The following RNLS variants were observed in gnomAD, a reference collection of about 807,000 sequenced individuals.
RNLS encodes renalase, FAD dependent amine oxidase.
Under a neutral mutation model 39.8 loss-of-function variants are expected in RNLS, and 39 were observed. The observed-to-expected ratio is 0.98, with a 90% CI of 0.76 to 1.28. The LOEUF is 1.28. RNLS is among the 50% of genes most tolerant of loss of function. RNLS has a pLI of 0.00. For missense variants in RNLS, 410 were observed against 413.3 expected, an observed-to-expected ratio of 0.99 and a Z score of 0.07; for synonymous variants, 147 against 150.7, an observed-to-expected ratio of 0.98 and a Z score of 0.18.
chr10:88,514,386 G>A (rs866829837), intron 4 of RNLS, among the ~76,000 whole-genome samples: 54 of 152,118 alleles, frequency 3.5e-4, no homozygotes, highest in African/African-American at 1.2e-3. Context: ...GGGGATTATG[G>A]GGATTACAAT....
the RNLS span, among the ~76,000 whole-genome samples, chr10:88,189,788 CATGCA>C: frequency 4.6e-5 from 7 of 152,218 alleles, no homozygotes; most frequent in Non-Finnish European, 8.8e-5. Context: ...TTTGACCAGG[CATGCA>C]ATGCAGCGAA....
the RNLS span, among the ~76,000 whole-genome samples, chr10:88,233,155 C>T: frequency 2.6e-5 from 4 of 152,198 alleles, no homozygotes; most frequent in Admixed American, 6.5e-5. Flanking sequence ...GTTGGCAGGC[C>T]GGACTGGACT....
chr10:88,207,427 A>C, the RNLS span, among the ~76,000 whole-genome samples: 12 of 152,060 alleles, frequency 7.9e-5, no homozygotes, highest in African/African-American at 2.4e-4. Context: ...ATAAAAAGAC[A>C]CTCAGCTGAA....
At chr10:88,486,068 T>C (rs1361565486) in intron 4 of RNLS, among the ~76,000 whole-genome samples, 4 of 151,974 alleles carry the variant, frequency 2.6e-5, no homozygotes, top group Admixed American at 1.3e-4. Context: ...TTGCAAAGCA[T>C]ACATCTAATG....
the RNLS span, among the ~76,000 whole-genome samples, chr10:88,214,217 T>C: frequency 6.6e-6 from 1 of 151,536 alleles, no homozygotes; most frequent in Non-Finnish European, 1.5e-5. Context: ...TGAATCTGCC[T>C]ATCATTGGCT....
chr10:88,524,075 T>TG (rs1256055684), intron 4 of RNLS, among the ~76,000 whole-genome samples: 1 of 152,066 alleles, frequency 6.6e-6, no homozygotes, highest in African/African-American at 2.4e-5. Flanking sequence ...TTGAACTCTA[T>TG]CTTCTCGTAA....
At chr10:88,420,487 G>A (rs191156047) in intron 4 of RNLS, among the ~76,000 whole-genome samples, 113 of 152,286 alleles carry the variant, frequency 7.4e-4, no homozygotes, top group African/African-American at 2.6e-3. Flanking sequence ...AGGCTCTAGT[G>A]GCAAATCTGT....
the RNLS span, among the ~76,000 whole-genome samples, chr10:88,176,390 G>A: frequency 6.6e-6 from 1 of 152,062 alleles, no homozygotes; most frequent in Non-Finnish European, 1.5e-5. Context: ...TGGCCAGCAT[G>A]GTCTTGATCT....
intron 4 of RNLS, among the ~76,000 whole-genome samples, chr10:88,560,757 A>G (rs1428346088): frequency 1.3e-5 from 2 of 152,012 alleles, no homozygotes; most frequent in East Asian, 3.9e-4. Context: ...ACAGCAACAG[A>G]AAGGTTCATA....
chr10:88,357,481 T>C (rs2133339195), intron 5 of RNLS, among the ~76,000 whole-genome samples: 2 of 152,326 alleles, frequency 1.3e-5, no homozygotes, highest in East Asian at 3.9e-4. Flanking sequence ...TGGGAATCAT[T>C]CTTAGTTGTT....
chr10:88,533,289 T>C (rs781338689), intron 4 of RNLS, among the ~76,000 whole-genome samples: 1 of 152,086 alleles, frequency 6.6e-6, no homozygotes, highest in Non-Finnish European at 1.5e-5. Context: ...CCACCAAGTA[T>C]TACTTTTGGC....
chr10:88,226,854 G>A, the RNLS span, among the ~76,000 whole-genome samples: 4 of 147,526 alleles, frequency 2.7e-5, no homozygotes, highest in African/African-American at 1.0e-4. Flanking sequence ...GGTAAAAAGA[G>A]TCCAGCAAAA....
intron 5 of RNLS, among the ~76,000 whole-genome samples, chr10:88,362,309 C>T (rs1212880834): frequency 2.0e-5 from 3 of 152,070 alleles, no homozygotes; most frequent in Non-Finnish European, 4.4e-5. Flanking sequence ...AAATCTTAAA[C>T]CTTCTGACAC....
At chr10:88,223,879 A>G in the RNLS span, among the ~76,000 whole-genome samples, 227 of 152,290 alleles carry the variant, frequency 1.5e-3, 1 homozygote, top group African/African-American at 5.1e-3. Context: ...TCTGGCCCCA[A>G]GGAGAGCCAC....
intron 4 of RNLS, among the ~76,000 whole-genome samples, chr10:88,416,382 T>A (rs1470656215): frequency 6.6e-6 from 1 of 151,960 alleles, no homozygotes; most frequent in African/African-American, 2.4e-5. Flanking sequence ...GCCTCCTGAG[T>A]AGCTGGGATT....
At chr10:88,288,544 T>G (rs1321115886) in intron 6 of RNLS, among the ~76,000 whole-genome samples, 1 of 152,182 alleles carries the variant, frequency 6.6e-6, no homozygotes, top group Non-Finnish European at 1.5e-5. Flanking sequence ...CCATTTGTGG[T>G]AAAATTTTGA....
At chr10:88,379,625 CT>C (rs1851295350) in intron 4 of RNLS, among the ~76,000 whole-genome samples, 1 of 152,194 alleles carries the variant, frequency 6.6e-6, no homozygotes, top group African/African-American at 2.4e-5. Context: ...CCCTGATTCT[CT>C]TCTTAAATAT....
chr10:88,243,202 A>G, the RNLS span, among the ~76,000 whole-genome samples: 3 of 152,258 alleles, frequency 2.0e-5, no homozygotes, highest in Admixed American at 2.0e-4. Flanking sequence ...CATGCTAGGA[A>G]ATCACAAATA....
At chr10:88,450,692 G>A (rs546314910) in intron 4 of RNLS, among the ~76,000 whole-genome samples, 1 of 152,228 alleles carries the variant, frequency 6.6e-6, no homozygotes, top group African/African-American at 2.4e-5. Flanking sequence ...AGGATGGAAG[G>A]GAGTCTTGAA....
Sources: gnomAD v4.1 joint callset for allele counts (sites outside exome capture counted in the v4.1 genomes callset) on GRCh38, gnomAD v4.1.1 for gene constraint, MANE v1.5 for transcripts, NCBI Gene and HGNC (gene_info 2026-07-23, HGNC 2026-07-21) for gene names.